Variants in CLIC5 observed in about 807,000 individuals in gnomAD.
The protein encoded by CLIC5 is CLIC family member 5.
Under a neutral mutation model 24.7 loss-of-function variants are expected in CLIC5, and 20 were observed. That is an observed-to-expected ratio of 0.81 (90% CI 0.57 to 1.18). CLIC5 has a LOEUF of 1.18. Ranked by LOEUF, CLIC5 falls within the 50% of genes most tolerant of loss-of-function variation. The probability of loss-of-function intolerance (pLI) is 0.00; values close to 1 mark genes in which losing one functional copy is unlikely to be tolerated. For missense variants in CLIC5, 341 were observed against 326.1 expected (o/e 1.05, Z -0.35); for synonymous variants, 159 against 135.6 (o/e 1.17, Z -1.20).
intron 4 of CLIC5, among the ~76,000 whole-genome samples, chr6:45,941,250 G>A (rs1764119479): frequency 6.6e-6 from 1 of 152,286 alleles, no homozygotes; most frequent in Non-Finnish European, 1.5e-5. Flanking sequence ...TCCGTGCAGT[G>A]CACTATGCTG....
At chr6:45,999,951 C>T (rs1766293021) in intron 1 of CLIC5, among the ~76,000 whole-genome samples, 1 of 91,012 alleles carries the variant, frequency 1.1e-5, no homozygotes. Context: ...GGGGTTTCAC[C>T]TTGTTAGCCA....
intron 1 of CLIC5, among the ~76,000 whole-genome samples, chr6:46,071,977 T>C (rs1056579043): frequency 6.6e-6 from 1 of 151,956 alleles, no homozygotes; most frequent in Non-Finnish European, 1.5e-5. Flanking sequence ...AGCAAACTAA[T>C]GCAGGAACAG....
At chr6:45,890,922 G>A (rs1413348138) in intron 6 of CLIC5, among the ~76,000 whole-genome samples, 1 of 152,120 alleles carries the variant, frequency 6.6e-6, no homozygotes, top group Admixed American at 6.5e-5. Context: ...GGGGAATGAG[G>A]AATGGGTGGA....
At chr6:46,129,300 A>G in the CLIC5 span, among the ~76,000 whole-genome samples, 20 of 152,212 alleles carry the variant, frequency 1.3e-4, no homozygotes, top group African/African-American at 4.6e-4. Context: ...CTGTTAGCGA[A>G]TAATTCTACT....
intron 1 of CLIC5, among the ~76,000 whole-genome samples, chr6:45,997,512 GAAAA>G (rs201284615): frequency 7.7e-6 from 1 of 130,252 alleles, no homozygotes. Flanking sequence ...AATAATAAAA[GAAAA>G]AAAAAAAAAA....
chr6:45,912,378 T>G (rs2127305836), intron 5 of CLIC5: 3 of 1,080,974 alleles, frequency 2.8e-6, no homozygotes, highest in South Asian at 5.9e-5. Context: ...CACTGAGTAA[T>G]TTAAGGCAGG....
chr6:45,928,764 A>G (rs1262821912), intron 4 of CLIC5, among the ~76,000 whole-genome samples: 1 of 104,804 alleles, frequency 9.5e-6, no homozygotes, highest in Non-Finnish European at 1.8e-5. Flanking sequence ...CACGAAGTGC[A>G]TAAGTGTGTG....
At chr6:46,121,660 C>T in the CLIC5 span, among the ~76,000 whole-genome samples, 1 of 152,140 alleles carries the variant, frequency 6.6e-6, no homozygotes, top group Non-Finnish European at 1.5e-5. Flanking sequence ...AGTCAAGAAC[C>T]ATCAGTGTGC....
intron 1 of CLIC5, among the ~76,000 whole-genome samples, chr6:46,063,774 C>T (rs752513637): frequency 6.6e-6 from 1 of 152,172 alleles, no homozygotes; most frequent in Non-Finnish European, 1.5e-5. Flanking sequence ...TGGGCAGAGT[C>T]CTCGGAAGGC....
intron 5 of CLIC5, chr6:45,911,536 A>G (rs1023629037): frequency 3.3e-5 from 29 of 884,220 alleles, no homozygotes; most frequent in Non-Finnish European, 3.9e-5. Context: ...GGAATTTATC[A>G]GAGTGGATGA....
chr6:45,927,070 C>T (rs1561938952), intron 4 of CLIC5, among the ~76,000 whole-genome samples: 1 of 152,152 alleles, frequency 6.6e-6, no homozygotes, highest in Non-Finnish European at 1.5e-5. Flanking sequence ...CAGGAAGTGG[C>T]TGGAGGACGT....
chr6:45,919,341 A>C (rs1308901475), intron 4 of CLIC5, among the ~76,000 whole-genome samples: 1 of 152,026 alleles, frequency 6.6e-6, no homozygotes, highest in Non-Finnish European at 1.5e-5. Flanking sequence ...CAGGTTCTGC[A>C]TTTCTTCTGT....
chr6:46,011,268 C>T (rs1392954754), intron 1 of CLIC5, among the ~76,000 whole-genome samples: 1 of 152,210 alleles, frequency 6.6e-6, no homozygotes, highest in East Asian at 1.9e-4. Flanking sequence ...CTATCAACAA[C>T]ACTTCTGACC....
At chr6:46,092,633 T>TTGTGTG in the CLIC5 span, among the ~76,000 whole-genome samples, 1 of 151,168 alleles carries the variant, frequency 6.6e-6, no homozygotes, top group Admixed American at 6.6e-5. Flanking sequence ...TTATTCCCTT[T>TTGTGTG]TGTGTGTGTG....
At chr6:45,928,695 G>A (rs1763598689) in intron 4 of CLIC5, among the ~76,000 whole-genome samples, 1 of 152,112 alleles carries the variant, frequency 6.6e-6, no homozygotes, top group Admixed American at 6.5e-5. Flanking sequence ...TAATTGAAAT[G>A]AGCCTGTCTA....
At chr6:46,127,751 A>C in the CLIC5 span, among the ~76,000 whole-genome samples, 1 of 152,206 alleles carries the variant, frequency 6.6e-6, no homozygotes. Context: ...TCTACAGGTA[A>C]CCATATCCTT....
At chr6:45,974,495 G>GTATATA (rs1456137513) in intron 1 of CLIC5, among the ~76,000 whole-genome samples, 7 of 76,552 alleles carry the variant, frequency 9.1e-5, no homozygotes, top group African/African-American at 3.4e-4. Context: ...GTGTGTGTGT[G>GTATATA]TGTATATATA....
the CLIC5 span, among the ~76,000 whole-genome samples, chr6:46,091,096 T>A: frequency 6.6e-6 from 1 of 152,196 alleles, no homozygotes; most frequent in Non-Finnish European, 1.5e-5. Context: ...GCTGCCTGAT[T>A]CACACATCTT....
upstream of CLIC5, among the ~76,000 whole-genome samples, chr6:46,017,425 C>T (rs1767050340): frequency 6.6e-6 from 1 of 152,134 alleles, no homozygotes; most frequent in South Asian, 2.1e-4. Context: ...CCCAATTTTA[C>T]AAGTGGGGAA....
Sources: allele counts gnomAD v4.1 joint callset (sites outside exome capture counted in the v4.1 genomes callset), GRCh38; gene constraint gnomAD v4.1.1; transcripts MANE v1.5; gene names NCBI Gene and HGNC (gene_info 2026-07-23, HGNC 2026-07-21).